Variants in PAG1 observed in about 807,000 individuals in gnomAD.
PAG1 encodes the protein phosphoprotein associated with glycosphingolipid-enriched microdomains 1.
PAG1 carries 23 observed loss-of-function variants against 31.7 expected under a neutral mutation model. That is an observed-to-expected ratio of 0.73 (90% CI 0.52 to 1.03). PAG1 has a LOEUF of 1.03. Among genes scored for constraint, PAG1 ranks in the 50% least tolerant of loss-of-function variants. The pLI, the probability that PAG1 is intolerant of heterozygous loss-of-function variation, is 0.00. For missense variants in PAG1, 473 were observed against 540.7 expected, an observed-to-expected ratio of 0.87 and a Z score of 1.24; for synonymous variants, 214 against 210.3, an observed-to-expected ratio of 1.02 and a Z score of -0.15.
chr8:81,053,159 A>C (rs1449386162), intron 2 of PAG1, among the ~76,000 whole-genome samples: 3 of 152,238 alleles, frequency 2.0e-5, no homozygotes, highest in African/African-American at 7.2e-5. Context: ...TGAATATATT[A>C]TTTGGATGAA....
At chr8:81,076,316 G>T (rs1248623962) in intron 1 of PAG1, among the ~76,000 whole-genome samples, 1 of 152,208 alleles carries the variant, frequency 6.6e-6, no homozygotes, top group Non-Finnish European at 1.5e-5. Flanking sequence ...AACAGCCCAT[G>T]ATTCAGAGAT....
intron 3 of PAG1, among the ~76,000 whole-genome samples, chr8:81,011,270 T>C (rs1004901489): frequency 6.6e-6 from 1 of 152,224 alleles, no homozygotes; most frequent in Non-Finnish European, 1.5e-5. Flanking sequence ...TATTGCCACA[T>C]GTTACGGGAG....
intron 7 of PAG1, among the ~76,000 whole-genome samples, chr8:80,983,695 A>G (rs895756040): frequency 6.6e-5 from 10 of 152,206 alleles, no homozygotes; most frequent in Admixed American, 5.2e-4. Context: ...AGACAACTCA[A>G]CGTCTTATCT....
chr8:81,035,070 GC>G, intron 2 of PAG1, among the ~76,000 whole-genome samples: 1 of 152,224 alleles, frequency 6.6e-6, no homozygotes, highest in Admixed American at 6.5e-5. Context: ...GATTTTTGGG[GC>G]CCAGCTATCG....
At chr8:81,073,733 C>T (rs1447906917) in intron 1 of PAG1, among the ~76,000 whole-genome samples, 2 of 152,216 alleles carry the variant, frequency 1.3e-5, no homozygotes, top group Non-Finnish European at 2.9e-5. Context: ...ATGTATCTTT[C>T]TAGTGGAGGT....
chr8:81,066,438 C>T (rs1344718667), intron 2 of PAG1, among the ~76,000 whole-genome samples: 1 of 152,106 alleles, frequency 6.6e-6, no homozygotes, highest in Non-Finnish European at 1.5e-5. Flanking sequence ...GCTGTAACTC[C>T]TGTCAGACAT....
At chr8:81,026,834 C>G (rs909572182) in intron 3 of PAG1, among the ~76,000 whole-genome samples, 3 of 152,156 alleles carry the variant, frequency 2.0e-5, no homozygotes, top group African/African-American at 7.2e-5. Context: ...CTGCCTCAAC[C>G]TCACGTCCCT....
intron 3 of PAG1, among the ~76,000 whole-genome samples, chr8:81,018,811 G>T (rs1404348729): frequency 6.6e-6 from 1 of 152,188 alleles, no homozygotes; most frequent in Non-Finnish European, 1.5e-5. Flanking sequence ...GACTAATACA[G>T]TAAATTGGGA....
At chr8:81,029,555 A>G (rs1356864694) in intron 3 of PAG1, among the ~76,000 whole-genome samples, 1 of 152,182 alleles carries the variant, frequency 6.6e-6, no homozygotes, top group Non-Finnish European at 1.5e-5. Flanking sequence ...TTGGTGTAAA[A>G]TATTATGATT....
chr8:81,082,045 G>A (rs535653254), intron 1 of PAG1, among the ~76,000 whole-genome samples: 1 of 151,954 alleles, frequency 6.6e-6, no homozygotes, highest in Admixed American at 6.6e-5. Context: ...CTGAGGTCAG[G>A]AGTTCAAGAC....
intron 5 of PAG1, 52 bp from the exon 6 acceptor site, chr8:80,987,518 G>C: frequency 8.0e-7 from 1 of 1,247,318 alleles, no homozygotes; most frequent in Non-Finnish European, 1.2e-6. Context: ...CTAAGAATCT[G>C]GACTGCAGAG....
intron 1 of PAG1, among the ~76,000 whole-genome samples, chr8:81,079,429 T>C (rs189236236): frequency 1.6e-4 from 24 of 152,280 alleles, no homozygotes; most frequent in African/African-American, 5.1e-4. Context: ...TCAAACATAA[T>C]CATTTCACTT....
In PAG1 at chr8:80,997,570, T is replaced by A. The variant is rs776752826; in HGVS notation, c.-80-4263A>T. Reference sequence around the variant, plus strand: ...ACACCCAGCCTATTTCTTCAAAGTTTAAAAAATTTCTCTTATCAGACCACA... The same window carrying A: ...ACACCCAGCCTATTTCTTCAAAGTTAAAAAAATTTCTCTTATCAGACCACA... On this transcript the variant is annotated intron_variant, in intron 3 of 8. Transcript: ENST00000220597. Among the ~76,000 whole-genome samples the A allele has an allele frequency of 9.3e-4, 142 of 152,356 alleles. 5 individuals are homozygous for A. Among genetic ancestry groups the A allele is most frequent in the Admixed American group, 4.6e-4 (7 of 15,308 alleles).
chr8:81,019,767 C>A (rs967632279), intron 3 of PAG1, among the ~76,000 whole-genome samples: 2 of 152,154 alleles, frequency 1.3e-5, no homozygotes, highest in African/African-American at 4.8e-5. Context: ...ACACAGAGTT[C>A]CCACTGGGGC....
intron 1 of PAG1, among the ~76,000 whole-genome samples, chr8:81,086,143 G>C (rs568595311): frequency 6.6e-6 from 1 of 150,404 alleles, no homozygotes; most frequent in Non-Finnish European, 1.5e-5. Context: ...TACCACGCCC[G>C]GCTAATTTTT....
In PAG1 at chr8:80,973,598, T is replaced by A. The variant is rs1395757487; in HGVS notation, c.*2946A>T. 2 of 152,258 alleles carry A rather than the reference T, an allele frequency of 1.3e-5. No homozygotes were observed. Among genetic ancestry groups the A allele is most frequent in the Non-Finnish European group, 2.9e-5 (2 of 68,048 alleles). 9.4% of individuals were successfully genotyped at this position (152,258 alleles called of 1,614,324 possible). ...TTTCACATAACCTGCTATAATTCGC[T>A]GTAAAAAATGGATGTCAAAATAGAA... is the stretch of plus-strand genomic sequence containing the variant. On this transcript the variant is annotated 3_prime_UTR_variant, in exon 9 of 9. Coordinates refer to ENST00000220597, the MANE Select transcript of PAG1 (RefSeq NM_018440.4).
intron 3 of PAG1, among the ~76,000 whole-genome samples, chr8:80,998,835 C>T (rs1807734091): frequency 6.6e-6 from 1 of 152,154 alleles, no homozygotes; most frequent in Non-Finnish European, 1.5e-5. Context: ...GCAGTTGACA[C>T]ATAATTAAAC....
intron 2 of PAG1, among the ~76,000 whole-genome samples, chr8:81,065,888 A>T (rs961392745): frequency 6.6e-5 from 10 of 151,922 alleles, no homozygotes; most frequent in African/African-American, 2.2e-4. Context: ...CAACAAAATG[A>T]GTACACTTTT....
chr8:80,995,257 G>C (rs951907201), intron 3 of PAG1, among the ~76,000 whole-genome samples: 1 of 152,226 alleles, frequency 6.6e-6, no homozygotes. Context: ...CGTCTTCTAA[G>C]GCTCTATAAT....
Sources: gnomAD v4.1 joint callset for allele counts (sites outside exome capture counted in the v4.1 genomes callset) on GRCh38, gnomAD v4.1.1 for gene constraint, MANE v1.5 for transcripts, NCBI Gene and HGNC (gene_info 2026-07-23, HGNC 2026-07-21) for gene names.